The following THBS4 variants were observed in gnomAD, a reference collection of about 807,000 sequenced individuals.
THBS4 encodes thrombospondin-4.
A neutral mutation model predicts 115.7 loss-of-function variants in THBS4; 90 were observed. The observed-to-expected ratio is 0.78, with a 90% confidence interval of 0.66 to 0.93. The LOEUF is 0.93. Among genes scored for constraint, THBS4 ranks in the 40% least tolerant of loss-of-function variants. THBS4 has a pLI of 0.00. For synonymous variants in THBS4, 460 were observed against 479.3 expected (o/e 0.96, Z 0.53); for missense variants, 1,087 against 1,232.7 (o/e 0.88, Z 1.77).
chr5:80,017,149 C>G (rs115517026), intron 2 of THBS4, among the ~76,000 whole-genome samples: 167 of 152,190 alleles, frequency 1.1e-3, no homozygotes, highest in African/African-American at 3.9e-3. Flanking sequence ...AAAATGGAGG[C>G]CAATGTTCAA....
chr5:80,070,926 A>AC, intron 12 of THBS4, 95 bp from the exon 13 acceptor site: 1 of 1,589,180 alleles, frequency 6.3e-7, no homozygotes, highest in South Asian at 1.2e-5. Flanking sequence ...TATAAAACTG[A>AC]CAAACTTGGG....
Position 80,061,794 on chromosome 5 carries a change from C to T in THBS4, c.1087C>T (p.Gln363Ter). The T allele has an allele frequency of 6.2e-7, 1 of 1,613,876 alleles. No individual in the cohort carries two copies. Among genetic ancestry groups the T allele is most frequent in the Non-Finnish European group, 8.5e-7 (1 of 1,179,960 alleles). ...CPVGFTGPMV[Q>*]GVGISFAKSN... is the part of the protein sequence containing the mutation. ...AGTGGGCTTCACAGGGCCCATGGTG[C>T]AGGGTGTTGGGATCAGTTTTGCCAA... Residue 363 changes from glutamine (Q) to a stop codon, truncating the protein, a stop_gained, in exon 8 of 22, where the codon CAG becomes TAG. Transcript: ENST00000350881. LOFTEE classifies it high-confidence loss of function.
intron 9 of THBS4, 69 bp from the exon 10 acceptor site, chr5:80,067,904 T>C (rs981808930): frequency 5.1e-6 from 8 of 1,566,184 alleles, no homozygotes; most frequent in East Asian, 2.2e-5. Context: ...ACACAATAAC[T>C]GTACCTTTGC....
At chr5:80,002,861 A>C (rs1051980426) in intron 2 of THBS4, among the ~76,000 whole-genome samples, 2 of 151,772 alleles carry the variant, frequency 1.3e-5, no homozygotes, top group Admixed American at 6.6e-5. Flanking sequence ...AAACTTAATT[A>C]GTGCATACCC....
At chr5:80,047,056 A>C (rs1833089845) in intron 2 of THBS4, among the ~76,000 whole-genome samples, 1 of 152,246 alleles carries the variant, frequency 6.6e-6, no homozygotes, top group African/African-American at 2.4e-5. Flanking sequence ...CTGTCCTAAG[A>C]GTTCTCTAAT....
intron 2 of THBS4, among the ~76,000 whole-genome samples, chr5:79,998,633 A>G (rs895837851): frequency 6.6e-6 from 1 of 152,220 alleles, no homozygotes; most frequent in Non-Finnish European, 1.5e-5. Context: ...ATATCGTACA[A>G]TAGTTACAGT....
At chr5:80,053,547 C>G (rs1833320816) in intron 2 of THBS4, among the ~76,000 whole-genome samples, 1 of 152,068 alleles carries the variant, frequency 6.6e-6, no homozygotes, top group African/African-American at 2.4e-5. Flanking sequence ...GACTAAATTA[C>G]CCTCCAGAAA....
chr5:80,043,718 C>T (rs545868540), intron 2 of THBS4, among the ~76,000 whole-genome samples: 86 of 152,294 alleles, frequency 5.6e-4, no homozygotes, highest in African/African-American at 2.0e-3. Context: ...AAAGAGTTTG[C>T]CACTGAGCTC....
rs984749996 is a variant in THBS4 at position 80,065,385 on chromosome 5, T to G, written c.1126-24T>G. ...ATTTAAGCAGCATGTCTCGCTAAAC[T>G]TTCTTTGAACTTTTCTGCACTAGGT... On this transcript the variant is annotated intron_variant, in intron 8 of 21. Coordinates refer to ENST00000350881, the MANE Select transcript of THBS4 (RefSeq NM_003248.6). 9 of 1,602,596 alleles carry G rather than the reference T, an allele frequency of 5.6e-6. No individual in the cohort carries two copies. In the Admixed American group the frequency reaches 1.4e-4, roughly 25 times the overall value.
Position 80,035,522 on chromosome 5 carries a change from A to ATCCCC in THBS4, c.-16_-15insTCCCC, listed in dbSNP as rs1262647383. The ATCCCC allele has an allele frequency of 7.4e-7, 1 of 1,346,862 alleles. No individual in the cohort carries two copies. Among genetic ancestry groups the ATCCCC allele is most frequent in the African/African-American group, 1.5e-5 (1 of 66,104 alleles). The allele number at this position is 1,346,862 out of a possible 1,614,324, so 83.4% of individuals were successfully genotyped here. A position where few individuals can be genotyped will look rare whatever the true frequency, so the allele number is the denominator to read the frequency against. On this transcript the variant is annotated 5_prime_UTR_variant, in exon 1 of 22. Transcript: ENST00000350881. This position sits in a 1 kb window ranked among gnomAD's most constrained non-coding sequence, Gnocchi z 4.6. ...CGCCGTCGCCCCCGGCCTCGCGGGG[A>ATCCCC]GCAGGAAGAGCCAACATGCTGGCCC... is the stretch of plus-strand genomic sequence containing the variant.
chr5:79,994,817 T>C (rs1831758732), intron 1 of THBS4, among the ~76,000 whole-genome samples: 1 of 152,196 alleles, frequency 6.6e-6, no homozygotes. Context: ...AAGGCCCACA[T>C]ATTTGAACTA....
chr5:80,026,995 G>C (rs2111996411), intron 2 of THBS4, among the ~76,000 whole-genome samples: 1 of 152,228 alleles, frequency 6.6e-6, no homozygotes, highest in Admixed American at 6.5e-5. Flanking sequence ...AAAACTATTT[G>C]CCAAAGACCC....
chr5:80,061,737 T>A lies in THBS4; in HGVS notation c.1030T>A (p.Leu344Met), dbSNP rs957274629. 1.9e-6 allele frequency: 3 copies of A among 1,614,020 alleles called. No homozygotes were observed. The highest frequency in any genetic ancestry group is 2.5e-6 in the Non-Finnish European group (3 of 1,180,034). ...PCYPGVHCIN[L>M]SPGFRCDACP... The stretch of plus-strand genomic sequence containing the variant: ...CTACCCGGGCGTGCACTGCATAAAT[T>A]TGTCTCCTGGCTTCAGATGTGACGC... Residue 344 changes from leucine (L) to methionine (M), a missense_variant, in exon 8 of 22, where the codon TTG (leucine) becomes ATG (methionine). Leu to Met is a conservative substitution (Grantham distance 15). Around this residue, in one of 3 missense-constraint regions of THBS4, gnomAD observed 979 missense variants for 1,103.7 expected, o/e 0.89. Coordinates refer to ENST00000350881, the MANE Select transcript of THBS4 (RefSeq NM_003248.6).
At chr5:80,047,055 G>C (rs528099946) in intron 2 of THBS4, among the ~76,000 whole-genome samples, 31 of 152,338 alleles carry the variant, frequency 2.0e-4, no homozygotes, top group African/African-American at 7.5e-4. Flanking sequence ...TCTGTCCTAA[G>C]AGTTCTCTAA....
In THBS4 at chr5:80,078,040, C is replaced by A. The variant is rs536562880; in HGVS notation, c.2087-9C>A. The A allele has an allele frequency of 1.3e-4, 201 of 1,561,518 alleles. 3 individuals are homozygous for A. In the South Asian group the frequency reaches 2.2e-3, roughly 17 times the overall value. ...TATTGAGCTCCTGTCCTTTCTCCAC[C>A]CCACTCAGGCGACGGAGTGGGAGAC... On this transcript the variant is annotated splice_polypyrimidine_tract_variant and intron_variant, in intron 16 of 21. Coordinates refer to ENST00000350881, the MANE Select transcript of THBS4 (RefSeq NM_003248.6).
At chr5:80,042,852 G>T (rs1832948003) in intron 2 of THBS4, among the ~76,000 whole-genome samples, 1 of 152,114 alleles carries the variant, frequency 6.6e-6, no homozygotes, top group Non-Finnish European at 1.5e-5. Flanking sequence ...TATAGTCACA[G>T]CTACTCGGGA....
intron 1 of THBS4, 121 bp from the exon 2 acceptor site, chr5:80,039,956 C>A: frequency 1.2e-6 from 1 of 842,906 alleles, no homozygotes; most frequent in Non-Finnish European, 1.9e-6. Flanking sequence ...AAAGGGATTA[C>A]AAGATTAGTT....
intron 2 of THBS4, among the ~76,000 whole-genome samples, chr5:80,021,199 G>C (rs1832365740): frequency 6.6e-6 from 1 of 152,118 alleles, no homozygotes; most frequent in Non-Finnish European, 1.5e-5. Flanking sequence ...GACCATTTCA[G>C]GGGGTTCACG....
intron 9 of THBS4, 123 bp from the exon 10 acceptor site, chr5:80,067,850 T>C (rs990234764): frequency 3.9e-5 from 44 of 1,119,164 alleles, no homozygotes; most frequent in Middle Eastern, 3.1e-4. Flanking sequence ...AAGGCATGGA[T>C]CTGATGCCTG....
Sources: gnomAD v4.1 joint callset for allele counts (sites outside exome capture counted in the v4.1 genomes callset) on GRCh38, gnomAD v4.1.1 for gene constraint, gnomAD v4.1.1 regional missense constraint, Gnocchi (gnomAD v3.1) non-coding constraint, MANE v1.5 for transcripts, NCBI Gene and HGNC (gene_info 2026-07-23, HGNC 2026-07-21) for gene names.